SPMIP1: variants seen among roughly 807,000 people sequenced by gnomAD.
SPMIP1 encodes the protein protein SPMIP1.
chr7:128,869,243 A>G, the SPMIP1 span: 2 of 200,324 alleles, frequency 1.0e-5, no homozygotes, highest in Non-Finnish European at 2.0e-5. Context: ...GCCGCCGCCC[A>G]GCCGCGTCCT....
the SPMIP1 span, chr7:128,871,074 G>C: frequency 2.0e-5 from 3 of 152,286 alleles, no homozygotes; most frequent in African/African-American, 4.8e-5. Flanking sequence ...ACCTAGACTA[G>C]AGCCAGGAAG....
chr7:128,869,040 C>G, the SPMIP1 span: 1 of 423,770 alleles, frequency 2.4e-6, no homozygotes, highest in Non-Finnish European at 4.2e-6. Context: ...ATCCTCAGCA[C>G]CAGGGGAACA....
chr7:128,866,852 T>C, the SPMIP1 span: 1 of 1,519,486 alleles, frequency 6.6e-7, no homozygotes, highest in African/African-American at 1.4e-5. Context: ...CTCTTGGAAA[T>C]CACCTCAAAA....
chr7:128,868,556 G>A, the SPMIP1 span: 1 of 577,096 alleles, frequency 1.7e-6, no homozygotes, highest in Non-Finnish European at 3.0e-6. Context: ...TTCCCACAAA[G>A]TGGCTACTCC....
chr7:128,867,716 C>T, the SPMIP1 span, among the ~76,000 whole-genome samples: 4 of 152,078 alleles, frequency 2.6e-5, no homozygotes, highest in African/African-American at 7.2e-5. Context: ...GGACTGCAGG[C>T]GTGTGTCACC....
the SPMIP1 span, chr7:128,868,959 ATCATCCCTT>A: frequency 5.4e-6 from 3 of 550,632 alleles, no homozygotes; most frequent in East Asian, 8.5e-5. Context: ...CATCACTTTA[ATCATCCCTT>A]TGAGGACTCA....
the SPMIP1 span, chr7:128,871,829 C>T: frequency 2.0e-5 from 3 of 152,344 alleles, 1 homozygote; most frequent in Middle Eastern, 3.4e-3. Flanking sequence ...CAATCTCCAA[C>T]CTCCCACTTC....
the SPMIP1 span, chr7:128,870,757 C>T: frequency 1.3e-5 from 2 of 152,234 alleles, no homozygotes; most frequent in African/African-American, 4.8e-5. Flanking sequence ...CACTTTGGGC[C>T]CAGGTTTGAG....
the SPMIP1 span, chr7:128,869,121 G>A: frequency 1.0e-5 from 4 of 386,784 alleles, no homozygotes; most frequent in African/African-American, 8.2e-5. Context: ...CAGGGAAAGG[G>A]GCCTCCTGCC....
the SPMIP1 span, chr7:128,870,960 G>A: frequency 6.6e-6 from 1 of 152,424 alleles, no homozygotes; most frequent in Non-Finnish European, 1.5e-5. Flanking sequence ...GAGCTACCTG[G>A]CACCCCAAAA....
chr7:128,868,993 G>A, the SPMIP1 span: 2 of 470,966 alleles, frequency 4.2e-6, no homozygotes, highest in East Asian at 3.1e-5. Context: ...TGACCAGAGG[G>A]TGCTGGGAAG....
At chr7:128,868,967 T>A in the SPMIP1 span, 1 of 538,326 alleles carries the variant, frequency 1.9e-6, no homozygotes, top group Non-Finnish European at 3.3e-6. Flanking sequence ...TAATCATCCC[T>A]TTGAGGACTC....
chr7:128,868,780 G>A, the SPMIP1 span: 40 of 1,530,812 alleles, frequency 2.6e-5, no homozygotes, highest in Non-Finnish European at 3.1e-5. Context: ...CTCTGACCGT[G>A]GGCCAGGTGT....
the SPMIP1 span, chr7:128,871,471 T>C: frequency 1.5e-4 from 23 of 152,136 alleles, no homozygotes; most frequent in Non-Finnish European, 3.2e-4. Flanking sequence ...TCAAAGGAAA[T>C]TCAAGATGAA....
chr7:128,871,559 T>C, the SPMIP1 span: 3 of 152,238 alleles, frequency 2.0e-5, no homozygotes, highest in African/African-American at 7.2e-5. Flanking sequence ...AGATGATGTG[T>C]TGCCGCTCCC....
chr7:128,870,312 G>C, the SPMIP1 span: 1 of 149,386 alleles, frequency 6.7e-6, no homozygotes, highest in Non-Finnish European at 1.5e-5. Context: ...CAAGACCGCA[G>C]CATCTTCTTC....
the SPMIP1 span, among the ~76,000 whole-genome samples, chr7:128,867,959 G>A: frequency 1.3e-5 from 2 of 152,164 alleles, no homozygotes; most frequent in Non-Finnish European, 2.9e-5. Flanking sequence ...AGCCAGAGCG[G>A]GTAGGGGATG....
the SPMIP1 span, chr7:128,871,477 A>G: frequency 6.6e-6 from 1 of 152,220 alleles, no homozygotes; most frequent in Non-Finnish European, 1.5e-5. Context: ...GAAATTCAAG[A>G]TGAAATTTTA....
the SPMIP1 span, chr7:128,868,645 G>T: frequency 3.1e-4 from 466 of 1,494,674 alleles, 4 homozygotes; most frequent in African/African-American, 5.6e-3. Context: ...CCCATGCTTG[G>T]CCTCTGACAT....
Sources: gnomAD v4.1 joint callset for allele counts (sites outside exome capture counted in the v4.1 genomes callset) on GRCh38, gnomAD v4.1.1 for gene constraint, MANE v1.5 for transcripts, NCBI Gene and HGNC (gene_info 2026-07-23, HGNC 2026-07-21) for gene names.